The following TENM4 variants were observed in gnomAD, a reference collection of about 807,000 sequenced individuals.
TENM4 encodes teneurin-4.
Under a neutral mutation model 243.3 loss-of-function variants are expected in TENM4, and 82 were observed. The observed-to-expected ratio is 0.34, with a 90% CI of 0.28 to 0.40. The LOEUF is 0.40. Among genes scored for constraint, TENM4 ranks in the 10% least tolerant of loss-of-function variants. The pLI is 1.00. For synonymous variants in TENM4, 1,412 were observed against 1,456.3 expected, an observed-to-expected ratio of 0.97 and a Z score of 0.69; for missense variants, 3,138 against 3,673.3, an observed-to-expected ratio of 0.85 and a Z score of 3.77.
At chr11:78,930,777 A>T (rs1856649751) in intron 6 of TENM4, among the ~76,000 whole-genome samples, 1 of 152,232 alleles carries the variant, frequency 6.6e-6, no homozygotes, top group African/African-American at 2.4e-5. Context: ...ATATTTTAAA[A>T]AGTAAGCGGT....
At chr11:78,880,691 T>C (rs1351448119) in intron 9 of TENM4, among the ~76,000 whole-genome samples, 2 of 152,242 alleles carry the variant, frequency 1.3e-5, no homozygotes, top group Non-Finnish European at 2.9e-5. Flanking sequence ...AACCGCAGAA[T>C]GTTTCTGTTG....
At position 78,729,416 on chromosome 11, in the gene TENM4, G is replaced by A. The variant is rs373176010; in HGVS notation, c.3366C>T (p.Asp1122=). The A allele has an allele frequency of 1.0e-5, 16 of 1,588,812 alleles. No homozygotes were observed. The African/African-American group carries it at 1.1e-4, about 11-fold the overall frequency. Residue 1122 remains aspartate, a synonymous_variant, in exon 22 of 34, where the codon GAC becomes GAT. Coordinates refer to ENST00000278550, the MANE Select transcript of TENM4 (RefSeq NM_001098816.3). ...GCCCAAACACCTTCTGGTTGTAGAC[G>A]TCTGTCTTGTCCCAAATGAAATAAT... ...LSYYFIWDKT[D]VYNQKVFGLS...
intron 1 of TENM4, among the ~76,000 whole-genome samples, chr11:79,409,113 C>T (rs866686606): frequency 4.3e-5 from 6 of 138,782 alleles, no homozygotes; most frequent in Admixed American, 1.4e-4. Flanking sequence ...CGCGCGCGCG[C>T]GTGCGTGCAC....
At chr11:79,019,682 A>G (rs989924495) in intron 6 of TENM4, among the ~76,000 whole-genome samples, 14 of 152,204 alleles carry the variant, frequency 9.2e-5, no homozygotes, top group African/African-American at 3.4e-4. Flanking sequence ...CTGTGCTAGA[A>G]GTTGAGGCTA....
chr11:78,864,420 C>T (rs1156867585), intron 9 of TENM4, among the ~76,000 whole-genome samples: 2 of 100,824 alleles, frequency 2.0e-5, no homozygotes, highest in East Asian at 2.8e-4. Context: ...GGCGACAGAG[C>T]GAGACTCCGT....
At chr11:78,853,828 CCTGT>C (rs1312266304) in intron 12 of TENM4, among the ~76,000 whole-genome samples, 2 of 152,190 alleles carry the variant, frequency 1.3e-5, no homozygotes, top group African/African-American at 4.8e-5. Flanking sequence ...GTCCAGGATT[CCTGT>C]CTCACAATTC....
At chr11:78,951,131 G>C (rs904891812) in intron 6 of TENM4, among the ~76,000 whole-genome samples, 10 of 152,240 alleles carry the variant, frequency 6.6e-5, no homozygotes, top group African/African-American at 2.4e-4. Flanking sequence ...TGTAAAGCTG[G>C]CCTTTGCCAT....
intron 1 of TENM4, among the ~76,000 whole-genome samples, chr11:79,373,330 CTGGATGGATGGA>C (rs1289784552): frequency 6.2e-5 from 6 of 96,228 alleles, no homozygotes; most frequent in East Asian, 5.4e-4. Flanking sequence ...GGCTGGCTGG[CTGGATGGATGGA>C]TGGATGGATG....
At chr11:79,344,559 A>T (rs1441123077) in intron 1 of TENM4, among the ~76,000 whole-genome samples, 1 of 152,236 alleles carries the variant, frequency 6.6e-6, no homozygotes, top group East Asian at 1.9e-4. Flanking sequence ...GACCAGGTAG[A>T]CTGGCACTGG....
intron 21 of TENM4, among the ~76,000 whole-genome samples, chr11:78,731,679 T>C (rs1383756772): frequency 6.6e-6 from 1 of 152,228 alleles, no homozygotes; most frequent in Non-Finnish European, 1.5e-5. Context: ...AATATCTATC[T>C]TGATTTCCAT....
chr11:78,686,594 T>C (rs376687474), intron 29 of TENM4, among the ~76,000 whole-genome samples: 1 of 151,996 alleles, frequency 6.6e-6, no homozygotes, highest in African/African-American at 2.4e-5. Flanking sequence ...ACCGGTGGGA[T>C]TTGAGGCCAT....
At chr11:78,748,888 A>G (rs1354785251) in intron 19 of TENM4, among the ~76,000 whole-genome samples, 3 of 152,196 alleles carry the variant, frequency 2.0e-5, no homozygotes. Flanking sequence ...ACAACCTGGC[A>G]GGGTGGAATT....
chr11:79,288,083 A>T (rs1856288905), intron 2 of TENM4, among the ~76,000 whole-genome samples: 1 of 152,220 alleles, frequency 6.6e-6, no homozygotes, highest in African/African-American at 2.4e-5. Flanking sequence ...AAGGAGAAGG[A>T]TGGTAGATAT....
At chr11:79,029,088 C>T (rs947569343) in intron 6 of TENM4, among the ~76,000 whole-genome samples, 2 of 152,160 alleles carry the variant, frequency 1.3e-5, no homozygotes, top group East Asian at 1.9e-4. Context: ...TTTTTCCCCT[C>T]GCATCTTCAG....
intron 1 of TENM4, among the ~76,000 whole-genome samples, chr11:79,430,979 A>C (rs1859155901): frequency 6.6e-6 from 1 of 152,230 alleles, no homozygotes; most frequent in Non-Finnish European, 1.5e-5. Flanking sequence ...AGCAGCTAGG[A>C]GTCTCTGAGG....
At chr11:79,349,643 T>A (rs953352801) in intron 1 of TENM4, among the ~76,000 whole-genome samples, 1 of 152,094 alleles carries the variant, frequency 6.6e-6, no homozygotes, top group South Asian at 2.1e-4. Flanking sequence ...AACACACACA[T>A]GTACACCTAC....
intron 4 of TENM4, among the ~76,000 whole-genome samples, chr11:79,139,735 TTA>T: frequency 2.6e-5 from 2 of 77,714 alleles, no homozygotes; most frequent in African/African-American, 9.8e-5. Flanking sequence ...TATATTATAT[TTA>T]TATAAATATA....
rs575404650 is a variant in TENM4 at position 79,195,850 on chromosome 11, G to C, written c.-163+19958C>G. Among the ~76,000 whole-genome samples, 17 of 152,200 alleles carry C rather than the reference G, an allele frequency of 1.1e-4. No individual in the cohort carries two copies. In the East Asian group the frequency reaches 3.3e-3, roughly 29 times the overall value. ...ATGTGAGGACATGAGATTTGGAGGG[G>C]CCAGGAGTGGAATTTTATGGTTTGG... is the stretch of plus-strand genomic sequence containing the variant. On this transcript the variant is annotated intron_variant, in intron 3 of 33. Transcript: ENST00000278550.
Position 78,668,987 on chromosome 11 carries a change from T to C in TENM4, c.7358A>G (p.Lys2453Arg), listed in dbSNP as rs1441626873. 1 of 1,613,932 alleles carries C rather than the reference T, an allele frequency of 6.2e-7. No homozygotes were observed. Among genetic ancestry groups the C allele is most frequent in the East Asian group, 2.2e-5 (1 of 44,876 alleles). The change falls in exon 32 of 34, where the codon AAA (lysine) becomes AGA (arginine). Residue 2453 changes from lysine to arginine, a missense_variant. Transcript: ENST00000278550. ...NVMPFNLYMFKNNNPISNSQD... is the reference protein window; with the variant it reads ...NVMPFNLYMFRNNNPISNSQD... ...GGAGTTGCTGATGGGGTTGTTGTTT[T>C]TGAACATATAGAGATTAAAAGGCAT...
Sources: gnomAD v4.1 joint callset for allele counts (sites outside exome capture counted in the v4.1 genomes callset) on GRCh38, gnomAD v4.1.1 for gene constraint, MANE v1.5 for transcripts, NCBI Gene and HGNC (gene_info 2026-07-23, HGNC 2026-07-21) for gene names.